Variants in UGT1A1 observed in about 807,000 individuals in gnomAD.
The protein encoded by UGT1A1 is UDP glucuronosyltransferase family 1 member A1, also known as UDP-glucuronosyltransferase 1A1.
UGT1A1 carries 33 observed loss-of-function variants against 40.6 expected under a neutral mutation model. The ratio of observed to expected loss-of-function variants is 0.81; its 90% CI spans 0.62 to 1.09. The LOEUF is 1.09. Among genes scored for constraint, UGT1A1 ranks in the 50% least tolerant of loss-of-function variants. The probability of loss-of-function intolerance (pLI) is 0.00; values close to 1 mark genes in which losing one functional copy is unlikely to be tolerated. For synonymous variants in UGT1A1, 249 were observed against 265.0 expected, an observed-to-expected ratio of 0.94 and a Z score of 0.59; for missense variants, 694 against 671.2, an observed-to-expected ratio of 1.03 and a Z score of -0.38.
In UGT1A1 at chr2:233,769,727, C is replaced by T. The variant is rs565012601; in HGVS notation, c.1304+1288C>T. The stretch of plus-strand genomic sequence containing the variant: ...AATGTTGGCTAGGCACCATGGCACA[C>T]GCCTGTAGTCCCAGCCACTCTGGAG... On this transcript the variant is annotated intron_variant, in intron 4 of 4. Transcript: ENST00000305208. This position sits in a 1 kb window ranked among gnomAD's most constrained non-coding sequence, Gnocchi z 4.4. 4.8e-4 allele frequency: 703 copies of T among 1,471,542 alleles called. 1 individual carries two copies. Among genetic ancestry groups the T allele is most frequent in the Non-Finnish European group, 5.6e-4 (625 of 1,109,932 alleles). The allele number at this position is 1,471,542 out of a possible 1,614,324, so 91.2% of individuals were successfully genotyped here. A position where few individuals can be genotyped will look rare whatever the true frequency, so the allele number is the denominator to read the frequency against.
intron 4 of UGT1A1, among the ~76,000 whole-genome samples, chr2:233,768,745 G>A (rs1699716714): frequency 1.3e-5 from 2 of 151,730 alleles, no homozygotes; most frequent in Admixed American, 1.3e-4. Context: ...ACCACGCCCG[G>A]TTAATTTTTG....
chr2:233,772,622 C>A lies in UGT1A1; in HGVS notation c.*63C>A, dbSNP rs894885863. 5 of 1,567,432 alleles carry A rather than the reference C, an allele frequency of 3.2e-6. No homozygotes were observed. The highest frequency in any genetic ancestry group is 3.5e-6 in the Non-Finnish European group (4 of 1,155,382). ...CCCTAGTCATTTCCAAACTTGAAAA[C>A]AGAATCAGTGTTAAATTCATTTTAT... On this transcript the variant is annotated 3_prime_UTR_variant, in exon 5 of 5. Transcript: ENST00000305208.
At chr2:233,763,992 G>T (rs1053097795) in intron 1 of UGT1A1, among the ~76,000 whole-genome samples, 85 of 152,324 alleles carry the variant, frequency 5.6e-4, no homozygotes, top group Non-Finnish European at 2.2e-4. Flanking sequence ...AATGCGTGAT[G>T]GTGAAGTCAC....
Position 233,769,464 on chromosome 2 carries a change from C to T in UGT1A1, c.1304+1025C>T, listed in dbSNP as rs557481865. The T allele has an allele frequency of 3.3e-5, 50 of 1,503,294 alleles. No individual in the cohort carries two copies. The highest frequency in any genetic ancestry group is 4.1e-5 in the African/African-American group (3 of 72,468). 93.1% of individuals were successfully genotyped at this position (1,503,294 alleles called of 1,614,324 possible). A position where few individuals can be genotyped will look rare whatever the true frequency, so the allele number is the denominator to read the frequency against. ...GGGTGCACACGTGTGCATTCATATG[C>T]GTGTGTGTGTGTGTGCGTGTGTTTA... On this transcript the variant is annotated intron_variant, in intron 4 of 4. Coordinates refer to ENST00000305208, the MANE Select transcript of UGT1A1 (RefSeq NM_000463.3). This position sits in a 1 kb window ranked among gnomAD's most constrained non-coding sequence, Gnocchi z 4.4.
chr2:233,773,091 G>A lies in UGT1A1; in HGVS notation c.*532G>A, dbSNP rs1278315823. 2 of 162,100 alleles carry A rather than the reference G, an allele frequency of 1.2e-5. No homozygotes were observed. The highest frequency in any genetic ancestry group is 4.8e-5 in the African/African-American group (2 of 41,532). The allele number at this position is 162,100 out of a possible 1,614,324, so 10.0% of individuals were successfully genotyped here. ...ATGAATGAATGGCTTGGAGTGCACT[G>A]AGAACAGCATATGATTTCTTGCTTT... On this transcript the variant is annotated 3_prime_UTR_variant, in exon 5 of 5. Transcript: ENST00000305208.
At chr2:233,767,701 T>C in intron 2 of UGT1A1, 148 bp from the exon 3 acceptor site, 1 of 1,506,270 alleles carries the variant, frequency 6.6e-7, no homozygotes, top group Admixed American at 2.1e-5. Flanking sequence ...AAGTTGCCAG[T>C]CCTCAGAAGC....
intron 2 of UGT1A1, among the ~76,000 whole-genome samples, chr2:233,767,578 TTCCCTTAAAGTGC>T (rs1361254822): frequency 6.6e-6 from 1 of 152,218 alleles, no homozygotes; most frequent in African/African-American, 2.4e-5. Context: ...TAAGCAAACT[TTCCCTTAAAGTGC>T]AGGAAAGTGA....
chr2:233,765,082 C>T (rs2741017), intron 1 of UGT1A1, among the ~76,000 whole-genome samples: 1 of 152,198 alleles, frequency 6.6e-6, no homozygotes, highest in South Asian at 2.1e-4. Context: ...TGTCTCACAT[C>T]TAGGGTGACC....
Position 233,769,857 on chromosome 2 carries a change from CAAAAAA to C in UGT1A1, c.1304+1430_1304+1435del. 2.7e-5 allele frequency: 6 copies of C among 223,658 alleles called. No homozygotes were observed. Among genetic ancestry groups the C allele is most frequent in the Non-Finnish European group, 3.2e-5 (4 of 125,112 alleles). The allele number at this position is 223,658 out of a possible 1,614,324, so 13.9% of individuals were successfully genotyped here. On this transcript the variant is annotated intron_variant, in intron 4 of 4. Transcript: ENST00000305208. This position sits in a 1 kb window ranked among gnomAD's most constrained non-coding sequence, Gnocchi z 4.4. ...TGGGCAACAGAGTGAGACCCTGTCT[CAAAAAA>C]AAAAAAAAAAATGAAAAGTCCACAT...
In UGT1A1 at chr2:233,769,706, T is replaced by G; in HGVS notation, c.1304+1267T>G. On this transcript the variant is annotated intron_variant, in intron 4 of 4. Transcript: ENST00000305208. The surrounding 1 kb of genome is among the most constrained non-coding windows in gnomAD (Gnocchi z 4.4). ...GGTGGCACTGGATAAAAGATCAATG[T>G]TGGCTAGGCACCATGGCACACGCCT... 6.6e-7 allele frequency: 1 copy of G among 1,515,112 alleles called. No homozygotes were observed. 93.9% of individuals were successfully genotyped at this position (1,515,112 alleles called of 1,614,324 possible).
chr2:233,768,209 T>C lies in UGT1A1; in HGVS notation c.1085-11T>C, dbSNP rs765320155. 1 of 1,614,150 alleles carries C rather than the reference T, an allele frequency of 6.2e-7. No individual in the cohort carries two copies. Among genetic ancestry groups the C allele is most frequent in the Admixed American group, 1.7e-5 (1 of 60,012 alleles). On this transcript the variant is annotated splice_polypyrimidine_tract_variant and intron_variant, in intron 3 of 4. Transcript: ENST00000305208. ...TGTAACTGCTGACATCCTCCCTATT[T>C]TGCATCTCAGGTCACCCGATGACCC...
intron 1 of UGT1A1, among the ~76,000 whole-genome samples, 199 bp downstream of exon 1, chr2:233,761,350 G>A (rs572501988): frequency 2.6e-5 from 4 of 152,266 alleles, no homozygotes; most frequent in South Asian, 2.1e-4. Context: ...CTGAGATTTC[G>A]GGAAAGCATT....
Position 233,769,467 on chromosome 2 carries a change from G to T in UGT1A1, c.1304+1028G>T. The T allele has an allele frequency of 6.2e-7, 1 of 1,602,902 alleles. No homozygotes were observed. On this transcript the variant is annotated intron_variant, in intron 4 of 4. Coordinates refer to ENST00000305208, the MANE Select transcript of UGT1A1 (RefSeq NM_000463.3). This position sits in a 1 kb window ranked among gnomAD's most constrained non-coding sequence, Gnocchi z 4.4. Reference sequence around the variant, plus strand: ...TGCACACGTGTGCATTCATATGCGTGTGTGTGTGTGTGCGTGTGTTTATGA... The same window carrying T: ...TGCACACGTGTGCATTCATATGCGTTTGTGTGTGTGTGCGTGTGTTTATGA...
At position 233,769,446 on chromosome 2, in the gene UGT1A1, C is replaced by T. The variant is rs1239046634; in HGVS notation, c.1304+1007C>T. 4 of 1,588,334 alleles carry T rather than the reference C, an allele frequency of 2.5e-6. No homozygotes were observed. The highest frequency in any genetic ancestry group is 3.4e-6 in the Non-Finnish European group (4 of 1,161,110). On this transcript the variant is annotated intron_variant, in intron 4 of 4. Coordinates refer to ENST00000305208, the MANE Select transcript of UGT1A1 (RefSeq NM_000463.3). This position sits in a 1 kb window ranked among gnomAD's most constrained non-coding sequence, Gnocchi z 4.4. ...GTGGCTGTGCTCATGTGTGGGTGCA[C>T]ACGTGTGCATTCATATGCGTGTGTG...
intron 3 of UGT1A1, 59 bp from the exon 4 acceptor site, chr2:233,768,161 T>G: frequency 1.2e-6 from 2 of 1,613,420 alleles, no homozygotes; most frequent in East Asian, 2.2e-5. Flanking sequence ...AACCTAGATG[T>G]GTCCAGCTGT....
intron 1 of UGT1A1, among the ~76,000 whole-genome samples, chr2:233,762,246 C>T (rs569266202): frequency 2.4e-4 from 36 of 152,288 alleles, no homozygotes; most frequent in African/African-American, 8.2e-4. Flanking sequence ...ACAGAATAGG[C>T]ACCCACCGAA....
intron 1 of UGT1A1, among the ~76,000 whole-genome samples, chr2:233,764,956 C>T (rs371892810): frequency 2.6e-5 from 4 of 152,042 alleles, no homozygotes; most frequent in Non-Finnish European, 5.9e-5. Context: ...AGAGAGGGCT[C>T]ACCTTGGGAG....
intron 1 of UGT1A1, among the ~76,000 whole-genome samples, chr2:233,765,603 T>TG (rs1226627495): frequency 6.6e-6 from 1 of 151,130 alleles, no homozygotes; most frequent in African/African-American, 2.4e-5. Context: ...CCAGGGCTTG[T>TG]GGCGGGGTGA....
At chr2:233,767,540 C>G (rs570115667) in intron 2 of UGT1A1, among the ~76,000 whole-genome samples, 2 of 152,230 alleles carry the variant, frequency 1.3e-5, no homozygotes, top group Non-Finnish European at 2.9e-5. Flanking sequence ...CATTTCTGCT[C>G]TTATAGTTCT....
Sources: gnomAD v4.1 joint callset for allele counts (sites outside exome capture counted in the v4.1 genomes callset) on GRCh38, gnomAD v4.1.1 for gene constraint, Gnocchi (gnomAD v3.1) non-coding constraint, MANE v1.5 for transcripts, NCBI Gene and HGNC (gene_info 2026-07-23, HGNC 2026-07-21) for gene names.